SNX7: variants seen among roughly 807,000 people sequenced by gnomAD.
SNX7 encodes the protein sorting nexin 7.
SNX7 carries 35 observed loss-of-function variants against 48.4 expected under a neutral mutation model. The observed-to-expected ratio is 0.72, with a 90% CI of 0.55 to 0.96. The LOEUF is 0.96. Among genes scored for constraint, SNX7 ranks in the 40% least tolerant of loss-of-function variants. The probability of loss-of-function intolerance (pLI) is 0.00; values close to 1 mark genes in which losing one functional copy is unlikely to be tolerated. For missense variants in SNX7, 553 were observed against 548.9 expected (o/e 1.01, Z -0.07); for synonymous variants, 190 against 190.2 (o/e 1.00, Z 0.01).
At chr1:98,714,171 C>G (rs749751009) in intron 7 of SNX7, among the ~76,000 whole-genome samples, 127 of 152,098 alleles carry the variant, frequency 8.3e-4, no homozygotes, top group Admixed American at 1.6e-3. Flanking sequence ...GTGTCAATGC[C>G]CCAGTCACAT....
chr1:98,691,027 C>A, intron 2 of SNX7, 48 bp from the exon 3 acceptor site: 1 of 1,274,376 alleles, frequency 7.8e-7, no homozygotes, highest in Non-Finnish European at 1.1e-6. Context: ...AGGCAAATAC[C>A]TTCTATCTTA....
rs781328637 is a variant in SNX7 at position 98,695,574 on chromosome 1, C to A, written c.696C>A (p.Thr232=). ...GPGLLSRMGQ[T]VRAVASSMRG... ...GCTTGCTAAGCAGGATGGGGCAAACCGTCAGAGCTGTTGCGTCCTCAATGA... is the reference window on the plus strand; with the variant it reads ...GCTTGCTAAGCAGGATGGGGCAAACAGTCAGAGCTGTTGCGTCCTCAATGA... The change falls in exon 5 of 9, where the codon ACC becomes ACA. Residue 232 remains threonine, a synonymous_variant. Coordinates refer to ENST00000306121, the MANE Select transcript of SNX7 (RefSeq NM_015976.5). 6 of 1,613,958 alleles carry A rather than the reference C, an allele frequency of 3.7e-6. No individual in the cohort carries two copies. In the African/African-American group the frequency reaches 5.3e-5, roughly 14 times the overall value.
chr1:98,733,816 T>C (rs1253458678), intron 7 of SNX7, among the ~76,000 whole-genome samples: 1 of 152,034 alleles, frequency 6.6e-6, no homozygotes, highest in East Asian at 1.9e-4. Context: ...TATGGTTGAT[T>C]CCTTAGTCCC....
intron 8 of SNX7, among the ~76,000 whole-genome samples, chr1:98,743,555 C>T (rs911569383): frequency 2.0e-5 from 3 of 152,112 alleles, no homozygotes; most frequent in African/African-American, 2.4e-5. Flanking sequence ...GCCAGATGAA[C>T]AGTACTACTA....
intron 1 of SNX7, among the ~76,000 whole-genome samples, chr1:98,681,221 G>A (rs1023329723): frequency 1.1e-4 from 16 of 152,120 alleles, no homozygotes; most frequent in African/African-American, 3.9e-4. Flanking sequence ...TTCACTATCA[G>A]GAGAACAGCA....
chr1:98,705,856 G>GA (rs1329181297), intron 7 of SNX7, among the ~76,000 whole-genome samples: 2 of 152,106 alleles, frequency 1.3e-5, no homozygotes, highest in African/African-American at 4.8e-5. Flanking sequence ...TGGAGTTGCA[G>GA]AGAAGAGTTA....
intron 7 of SNX7, among the ~76,000 whole-genome samples, chr1:98,732,518 T>C (rs1350703594): frequency 6.6e-6 from 1 of 152,128 alleles, no homozygotes; most frequent in African/African-American, 2.4e-5. Context: ...CCTGTGGAGA[T>C]AATTTAATCT....
At chr1:98,732,010 A>G (rs1232456484) in intron 7 of SNX7, among the ~76,000 whole-genome samples, 1 of 152,140 alleles carries the variant, frequency 6.6e-6, no homozygotes, top group African/African-American at 2.4e-5. Flanking sequence ...TGATGGTTCC[A>G]TTTAGGATTA....
chr1:98,732,973 T>C (rs769154616), intron 7 of SNX7, among the ~76,000 whole-genome samples: 10 of 152,142 alleles, frequency 6.6e-5, no homozygotes, highest in Non-Finnish European at 1.0e-4. Flanking sequence ...TCGGTGCAAC[T>C]GGTATGTCAA....
At chr1:98,679,270 T>C (rs1169401029) in intron 1 of SNX7, among the ~76,000 whole-genome samples, 1 of 152,162 alleles carries the variant, frequency 6.6e-6, no homozygotes, top group Non-Finnish European at 1.5e-5. Flanking sequence ...TTCATTGTCA[T>C]GAGAACAGCA....
intron 1 of SNX7, chr1:98,662,774 T>C: frequency 3.9e-6 from 5 of 1,289,384 alleles, no homozygotes; most frequent in Non-Finnish European, 5.1e-6. Flanking sequence ...CTGTATTCAT[T>C]ACTAAGAAGC....
At position 98,760,345 on chromosome 1, in the gene SNX7, T is replaced by C. The variant is rs911518583; in HGVS notation, c.*214T>C. 2.3e-5 allele frequency: 9 copies of C among 387,958 alleles called. No individual in the cohort carries two copies. The highest frequency in any genetic ancestry group is 4.2e-5 in the Non-Finnish European group (9 of 216,480). 24.0% of individuals were successfully genotyped at this position (387,958 alleles called of 1,614,324 possible). A position where few individuals can be genotyped will look rare whatever the true frequency, so the allele number is the denominator to read the frequency against. On this transcript the variant is annotated 3_prime_UTR_variant, in exon 9 of 9. Coordinates refer to ENST00000306121, the MANE Select transcript of SNX7 (RefSeq NM_015976.5). ...ATATATATCTATATGTATATAGATA[T>C]ATAAATACAGAGAGATATCTGGCTT...
At chr1:98,693,457 A>G (rs1215404803) in intron 4 of SNX7, among the ~76,000 whole-genome samples, 1 of 152,230 alleles carries the variant, frequency 6.6e-6, no homozygotes, top group Non-Finnish European at 1.5e-5. Context: ...ATCTTGACAG[A>G]TAGTCCTCTA....
At chr1:98,669,986 A>C (rs996376998) in intron 1 of SNX7, among the ~76,000 whole-genome samples, 12 of 152,254 alleles carry the variant, frequency 7.9e-5, no homozygotes, top group African/African-American at 2.7e-4. Context: ...ACATAAATGA[A>C]TGACGTAGCC....
At chr1:98,750,785 A>T (rs1033912493) in intron 8 of SNX7, among the ~76,000 whole-genome samples, 4 of 152,142 alleles carry the variant, frequency 2.6e-5, no homozygotes. Context: ...GGTACTGAAA[A>T]TATTTCTCAT....
At chr1:98,716,949 C>G (rs1313088072) in intron 7 of SNX7, among the ~76,000 whole-genome samples, 1 of 151,298 alleles carries the variant, frequency 6.6e-6, no homozygotes, top group African/African-American at 2.4e-5. Flanking sequence ...TAACAATTAT[C>G]TACTACTAAA....
At chr1:98,723,216 G>A (rs757073169) in intron 7 of SNX7, among the ~76,000 whole-genome samples, 23 of 152,128 alleles carry the variant, frequency 1.5e-4, no homozygotes, top group Non-Finnish European at 3.1e-4. Flanking sequence ...TAAATGTTTT[G>A]GGAAGCATTA....
chr1:98,694,316 G>A (rs1651319992), intron 4 of SNX7, among the ~76,000 whole-genome samples: 1 of 149,604 alleles, frequency 6.7e-6, no homozygotes, highest in Admixed American at 6.7e-5. Flanking sequence ...CTTGCAGTGA[G>A]CCAGGATTGT....
At chr1:98,675,083 A>G (rs1650086692) in intron 1 of SNX7, among the ~76,000 whole-genome samples, 2 of 152,130 alleles carry the variant, frequency 1.3e-5, no homozygotes, top group Admixed American at 6.5e-5. Context: ...AGACAGAGAG[A>G]CACACATCCA....
Sources: allele counts gnomAD v4.1 joint callset (sites outside exome capture counted in the v4.1 genomes callset), GRCh38; gene constraint gnomAD v4.1.1; transcripts MANE v1.5; gene names NCBI Gene and HGNC (gene_info 2026-07-23, HGNC 2026-07-21).